The following OSBPL11 variants were observed in gnomAD, a reference collection of about 807,000 sequenced individuals.
OSBPL11 encodes the protein oxysterol binding protein like 11.
OSBPL11 carries 33 observed loss-of-function variants against 84.4 expected under a neutral mutation model. That is an observed-to-expected ratio of 0.39 (90% CI 0.30 to 0.52). OSBPL11 has a LOEUF of 0.52. OSBPL11 is among the 20% of genes least tolerant of loss of function. OSBPL11 has a pLI of 0.72. For missense variants in OSBPL11, 736 were observed against 901.1 expected (o/e 0.82, Z 2.35); for synonymous variants, 276 against 310.2 (o/e 0.89, Z 1.16).
chr3:125,583,105 G>A, intron 1 of OSBPL11, 127 bp from the exon 2 acceptor site: 1 of 606,328 alleles, frequency 1.6e-6, no homozygotes, highest in South Asian at 2.4e-5. Flanking sequence ...TTATTGAGAA[G>A]TAAAATGTAT....
At position 125,576,234 on chromosome 3, in the gene OSBPL11, G is replaced by A. The variant is rs1227242067; in HGVS notation, c.621C>T (p.Ser207=). 1 of 1,609,792 alleles carries A rather than the reference G, an allele frequency of 6.2e-7. No homozygotes were observed. ...GGTCTGGAGGTAAATTAGTTCTTTT[G>A]CTCAGTGATTGCAGTTTGGAATGTC... is the stretch of plus-strand genomic sequence containing the variant. ...NVGHSKLQSL[S]KRTNLPPDHL... The change falls in exon 5 of 13, where the codon AGC becomes AGT. Residue 207 remains serine (S), a synonymous_variant. Transcript: ENST00000296220.
At chr3:125,545,767 C>CT (rs1452830632) in intron 10 of OSBPL11, among the ~76,000 whole-genome samples, 2 of 151,934 alleles carry the variant, frequency 1.3e-5, no homozygotes, top group African/African-American at 4.8e-5. Context: ...GTTAAGCAGG[C>CT]TCACTTGGCT....
At chr3:125,565,578 A>G (rs1936141274) in intron 6 of OSBPL11, among the ~76,000 whole-genome samples, 1 of 152,234 alleles carries the variant, frequency 6.6e-6, no homozygotes, top group Non-Finnish European at 1.5e-5. Context: ...AAGAAAAAAG[A>G]GAAAACCTGG....
chr3:125,572,655 T>C (rs959082239), intron 5 of OSBPL11, among the ~76,000 whole-genome samples: 1 of 151,992 alleles, frequency 6.6e-6, no homozygotes, highest in Admixed American at 6.6e-5. Flanking sequence ...GCCATCCATG[T>C]AAGACGTGAC....
chr3:125,556,165 G>C (rs1407746345), intron 8 of OSBPL11, among the ~76,000 whole-genome samples: 1 of 152,218 alleles, frequency 6.6e-6, no homozygotes, highest in African/African-American at 2.4e-5. Flanking sequence ...TAGCCAAAGA[G>C]AATGCTAAAG....
At chr3:125,540,277 C>T (rs1403770495) in intron 10 of OSBPL11, among the ~76,000 whole-genome samples, 1 of 132,968 alleles carries the variant, frequency 7.5e-6, no homozygotes, top group African/African-American at 2.9e-5. Context: ...TGCAGTGAGC[C>T]AAGATTGCAC....
Position 125,594,903 on chromosome 3 carries a change from G to A in OSBPL11, c.-103C>T. On this transcript the variant is annotated 5_prime_UTR_variant, in exon 1 of 13. Coordinates refer to ENST00000296220, the MANE Select transcript of OSBPL11 (RefSeq NM_022776.5). ...AAGATTTGATCTGAATATGATACCG[G>A]TTGCTAAATCACACGGCGGCTGGGG... 1 of 1,329,734 alleles carries A rather than the reference G, an allele frequency of 7.5e-7. No individual in the cohort carries two copies. Among genetic ancestry groups the A allele is most frequent in the East Asian group, 2.4e-5 (1 of 42,270 alleles). The allele number at this position is 1,329,734 out of a possible 1,614,324, so 82.4% of individuals were successfully genotyped here.
chr3:125,558,759 C>T (rs1936030702), intron 8 of OSBPL11, among the ~76,000 whole-genome samples: 1 of 152,188 alleles, frequency 6.6e-6, no homozygotes, highest in African/African-American at 2.4e-5. Flanking sequence ...ACTAGTTAAA[C>T]TGGGAACAGA....
intron 9 of OSBPL11, among the ~76,000 whole-genome samples, chr3:125,549,508 G>T (rs957430557): frequency 2.6e-5 from 4 of 151,814 alleles, no homozygotes; most frequent in Non-Finnish European, 5.9e-5. Flanking sequence ...TTGAGACAAG[G>T]TTCTCCTCTG....
intron 10 of OSBPL11, among the ~76,000 whole-genome samples, chr3:125,542,439 G>A (rs113532278): frequency 6.6e-6 from 1 of 150,956 alleles, no homozygotes; most frequent in East Asian, 1.9e-4. Flanking sequence ...AGGTTCAAGC[G>A]ATACTCCTGC....
At chr3:125,550,401 AC>A (rs1935884213) in intron 9 of OSBPL11, among the ~76,000 whole-genome samples, 1 of 130,918 alleles carries the variant, frequency 7.6e-6, no homozygotes, top group Non-Finnish European at 1.6e-5. Context: ...ACACACACAC[AC>A]ACACAACAAA....
chr3:125,579,534 G>A (rs1559846791), intron 3 of OSBPL11, among the ~76,000 whole-genome samples: 1 of 152,024 alleles, frequency 6.6e-6, no homozygotes, highest in Non-Finnish European at 1.5e-5. Flanking sequence ...ACTGCAAAAA[G>A]GGCACGTAAA....
chr3:125,538,150 A>C (rs1488240913), intron 11 of OSBPL11, among the ~76,000 whole-genome samples: 1 of 152,204 alleles, frequency 6.6e-6, no homozygotes, highest in East Asian at 1.9e-4. Context: ...ACTTTTTGTT[A>C]ATAATATAAC....
intron 5 of OSBPL11, among the ~76,000 whole-genome samples, chr3:125,571,591 C>G (rs1032702905): frequency 6.6e-6 from 1 of 151,852 alleles, no homozygotes; most frequent in Non-Finnish European, 1.5e-5. Flanking sequence ...ACTTGGTGCC[C>G]TGTGTCCCAG....
chr3:125,539,350 C>T (rs1220734865), intron 10 of OSBPL11, among the ~76,000 whole-genome samples: 1 of 83,088 alleles, frequency 1.2e-5, no homozygotes, highest in Non-Finnish European at 2.6e-5. Context: ...TATATAATAG[C>T]TATATATATG....
intron 5 of OSBPL11, among the ~76,000 whole-genome samples, chr3:125,572,817 ATTTT>A (rs34252858): frequency 1.4e-5 from 2 of 146,378 alleles, no homozygotes; most frequent in Admixed American, 6.9e-5. Context: ...ATATATATAT[ATTTT>A]TTATGTATAC....
chr3:125,586,378 T>C (rs998511290), intron 1 of OSBPL11, among the ~76,000 whole-genome samples: 1 of 152,240 alleles, frequency 6.6e-6, no homozygotes, highest in Non-Finnish European at 1.5e-5. Flanking sequence ...TGGAAGCTGA[T>C]AGTCTATAAA....
chr3:125,581,044 T>C (rs549864172), intron 2 of OSBPL11, among the ~76,000 whole-genome samples: 1 of 152,222 alleles, frequency 6.6e-6, no homozygotes, highest in African/African-American at 2.4e-5. Flanking sequence ...TGGTTCTAGA[T>C]TAACTACTTT....
chr3:125,566,793 TA>T (rs1192904081), intron 6 of OSBPL11, among the ~76,000 whole-genome samples: 4 of 151,258 alleles, frequency 2.6e-5, no homozygotes, highest in Admixed American at 6.6e-5. Flanking sequence ...TATATATATA[TA>T]TTTTTTTTTT....
Sources: gnomAD v4.1 joint callset for allele counts (sites outside exome capture counted in the v4.1 genomes callset) on GRCh38, gnomAD v4.1.1 for gene constraint, MANE v1.5 for transcripts, NCBI Gene and HGNC (gene_info 2026-07-23, HGNC 2026-07-21) for gene names.